The following TAOK3 variants were observed in gnomAD, a reference collection of about 807,000 sequenced individuals.
TAOK3 encodes serine/threonine-protein kinase TAO3.
TAOK3 carries 40 observed loss-of-function variants against 120.4 expected under a neutral mutation model. That is an observed-to-expected ratio of 0.33 (90% CI 0.26 to 0.43). TAOK3 has a LOEUF of 0.43. Ranked by LOEUF, TAOK3 falls within the 20% of genes least tolerant of loss-of-function variation. TAOK3 has a pLI of 1.00. For missense variants in TAOK3, 821 were observed against 1,112.1 expected (o/e 0.74, Z 3.72); for synonymous variants, 355 against 387.5 (o/e 0.92, Z 0.99).
chr12:118,220,641 A>C (rs1484752431), intron 9 of TAOK3, among the ~76,000 whole-genome samples: 1 of 152,046 alleles, frequency 6.6e-6, no homozygotes, highest in Non-Finnish European at 1.5e-5. Flanking sequence ...CAAATTTGAA[A>C]AGAAAAGGAT....
chr12:118,203,985 GC>G (rs2038164839), intron 11 of TAOK3, among the ~76,000 whole-genome samples: 2 of 152,248 alleles, frequency 1.3e-5, no homozygotes, highest in South Asian at 2.1e-4. Context: ...GTGACATTAG[GC>G]TGGGCGTGGT....
chr12:118,334,781 C>T (rs1224926463), intron 1 of TAOK3, among the ~76,000 whole-genome samples: 2 of 150,592 alleles, frequency 1.3e-5, no homozygotes, highest in Non-Finnish European at 3.0e-5. Flanking sequence ...GAGGCTGAGG[C>T]GGGAGAATCA....
At chr12:118,153,912 T>C (rs2034627228) in intron 19 of TAOK3, among the ~76,000 whole-genome samples, 1 of 152,220 alleles carries the variant, frequency 6.6e-6, no homozygotes, top group African/African-American at 2.4e-5. Context: ...ATAAATTACA[T>C]AATCATATTT....
intron 9 of TAOK3, among the ~76,000 whole-genome samples, chr12:118,228,357 G>T (rs1565980395): frequency 2.0e-5 from 3 of 151,850 alleles, no homozygotes; most frequent in Non-Finnish European, 4.4e-5. Flanking sequence ...TCGGCATGTT[G>T]GTCAGGCTGG....
chr12:118,243,704 T>A (rs1045443683), intron 4 of TAOK3, among the ~76,000 whole-genome samples, 188 bp from the exon 5 acceptor site: 1 of 152,124 alleles, frequency 6.6e-6, no homozygotes, highest in Non-Finnish European at 1.5e-5. Flanking sequence ...TGAGACAGAG[T>A]CTTGCTCTAT....
intron 20 of TAOK3, 120 bp from the exon 21 acceptor site, chr12:118,151,278 TGC>T (rs761134529): frequency 0.09 from 56,245 of 626,444 alleles, 6,655 homozygotes; most frequent in Non-Finnish European, 0.099. Context: ...ACACATGAAG[TGC>T]GCGCGCGCGC....
At chr12:118,342,958 A>G (rs1166358911) in intron 1 of TAOK3, among the ~76,000 whole-genome samples, 3 of 122,134 alleles carry the variant, frequency 2.5e-5, no homozygotes, top group East Asian at 2.1e-4. Context: ...AAAAAAAAAA[A>G]GAGAGAGAGA....
At chr12:118,280,354 C>A (rs1407089352) in intron 1 of TAOK3, among the ~76,000 whole-genome samples, 1 of 152,316 alleles carries the variant, frequency 6.6e-6, no homozygotes, top group East Asian at 1.9e-4. Context: ...AACCACTGCA[C>A]GTGGTGTGAT....
chr12:118,297,255 C>T (rs1432598100), intron 1 of TAOK3: 1 of 152,092 alleles, frequency 6.6e-6, no homozygotes, highest in Non-Finnish European at 1.5e-5. Context: ...TTTTGAAACC[C>T]CAGATACCAG....
chr12:118,211,874 A>G (rs1386101220), intron 11 of TAOK3, among the ~76,000 whole-genome samples: 1 of 152,060 alleles, frequency 6.6e-6, no homozygotes, highest in Non-Finnish European at 1.5e-5. Flanking sequence ...GGTAATAAAG[A>G]TATTATTGTG....
intron 17 of TAOK3, among the ~76,000 whole-genome samples, chr12:118,164,118 C>G (rs986448215): frequency 2.0e-5 from 3 of 151,490 alleles, no homozygotes; most frequent in Admixed American, 6.5e-5. Context: ...GTCAGGAGAT[C>G]GAGACCATCC....
intron 15 of TAOK3, 77 bp from the exon 16 acceptor site, chr12:118,177,406 G>T: frequency 7.8e-7 from 1 of 1,278,692 alleles, no homozygotes; most frequent in Non-Finnish European, 1.1e-6. Flanking sequence ...CTCCAGTGCA[G>T]TAAGACAGTC....
intron 7 of TAOK3, among the ~76,000 whole-genome samples, chr12:118,237,648 T>A (rs2040070892): frequency 6.6e-6 from 1 of 152,142 alleles, no homozygotes; most frequent in South Asian, 2.1e-4. Context: ...ACTATAGAAA[T>A]GAGAAATATT....
chr12:118,361,148 A>G (rs750872550), intron 1 of TAOK3, among the ~76,000 whole-genome samples: 83 of 152,180 alleles, frequency 5.5e-4, no homozygotes, highest in Non-Finnish European at 9.9e-4. Flanking sequence ...ATTTTTTCTC[A>G]AGGGATAATG....
chr12:118,234,134 G>T lies in TAOK3; in HGVS notation c.552-369C>A, dbSNP rs76781002. Among the ~76,000 whole-genome samples the T allele has an allele frequency of 2.7e-5, 4 of 149,552 alleles. No individual in the cohort carries two copies. In the East Asian group the frequency reaches 7.8e-4, roughly 29 times the overall value. On this transcript the variant is annotated intron_variant, in intron 8 of 20. Coordinates refer to ENST00000392533, the MANE Select transcript of TAOK3 (RefSeq NM_016281.4). ...ATAAAGTACTTAAATAATTACTTTG[G>T]AACATCTGATTATATTGCTTTATAT...
chr12:118,370,116 G>A (rs1298471147), intron 1 of TAOK3, among the ~76,000 whole-genome samples: 1 of 149,482 alleles, frequency 6.7e-6, no homozygotes, highest in Non-Finnish European at 1.5e-5. Flanking sequence ...CTTGTGATCC[G>A]CCTGCCTCGG....
chr12:118,170,561 A>G (rs2035937321), intron 17 of TAOK3, among the ~76,000 whole-genome samples: 1 of 152,182 alleles, frequency 6.6e-6, no homozygotes, highest in Non-Finnish European at 1.5e-5. Context: ...CAAGAGTTTG[A>G]GACCAACCTG....
intron 1 of TAOK3, among the ~76,000 whole-genome samples, chr12:118,353,960 C>G (rs968644062): frequency 1.3e-5 from 2 of 152,102 alleles, no homozygotes; most frequent in African/African-American, 4.8e-5. Flanking sequence ...TTTGCTAACA[C>G]ATCCCTATGA....
intron 1 of TAOK3, among the ~76,000 whole-genome samples, chr12:118,280,729 TGAA>T: frequency 6.6e-6 from 1 of 152,382 alleles, no homozygotes; most frequent in Non-Finnish European, 1.5e-5. Context: ...TCTAATTCTG[TGAA>T]GAATGTCATT....
Sources: allele counts gnomAD v4.1 joint callset (sites outside exome capture counted in the v4.1 genomes callset), GRCh38; gene constraint gnomAD v4.1.1; transcripts MANE v1.5; gene names NCBI Gene and HGNC (gene_info 2026-07-23, HGNC 2026-07-21).